Variants in AHNAK observed in about 807,000 individuals in gnomAD.
The protein encoded by AHNAK is AHNAK nucleoprotein.
Under a neutral mutation model 37.8 loss-of-function variants are expected in AHNAK, and 23 were observed. That is an observed-to-expected ratio of 0.61 (90% CI 0.44 to 0.86). The LOEUF is 0.86. Ranked by LOEUF, AHNAK falls within the 40% of genes least tolerant of loss-of-function variation. The probability of loss-of-function intolerance (pLI) is 0.00; values close to 1 mark genes in which losing one functional copy is unlikely to be tolerated. For synonymous variants in AHNAK, 2,481 were observed against 2,636.3 expected (o/e 0.94, Z 1.80); for missense variants, 7,411 against 7,319.4 (o/e 1.01, Z -0.46).
At chr11:62,511,551 C>T (rs868356906), downstream of AHNAK, among the ~76,000 whole-genome samples, 59 of 152,184 alleles carry the variant, frequency 3.9e-4, no homozygotes, top group African/African-American at 1.2e-3. Context: ...CCACCGCGTC[C>T]GGCCCAGCAG....
intron 4 of AHNAK, among the ~76,000 whole-genome samples, chr11:62,493,601 T>C (rs1939549253): frequency 6.6e-6 from 1 of 151,062 alleles, no homozygotes; most frequent in African/African-American, 2.5e-5. Flanking sequence ...CCCAAAGTGC[T>C]AGGATTACAG....
intron 5 of AHNAK, among the ~76,000 whole-genome samples, chr11:62,463,452 C>T (rs1181663861): frequency 6.8e-6 from 1 of 146,974 alleles, no homozygotes. Flanking sequence ...CGCTCCTCTC[C>T]TCCATCCTCC....
intron 5 of AHNAK, among the ~76,000 whole-genome samples, chr11:62,443,517 C>G (rs1361460648): frequency 6.6e-6 from 1 of 152,116 alleles, no homozygotes; most frequent in African/African-American, 2.4e-5. Context: ...GGTGATCTGC[C>G]TGCCTCGGCC....
chr11:62,543,796 G>A (rs569494627), intron 1 of AHNAK, among the ~76,000 whole-genome samples: 2 of 152,308 alleles, frequency 1.3e-5, no homozygotes, highest in African/African-American at 2.4e-5. Flanking sequence ...CACTGCCACC[G>A]CCCAAGCAGC....
rs760819156 is a variant in AHNAK, at chr11:62,527,871, G to A, written c.6546C>T (p.Pro2182=). The A allele has an allele frequency of 6.2e-7, 1 of 1,613,758 alleles. No homozygotes were observed. The highest frequency in any genetic ancestry group is 8.5e-7 in the Non-Finnish European group (1 of 1,179,928). The change falls in exon 5 of 5, where the codon CCC becomes CCT. Residue 2182 remains proline, a synonymous_variant. Transcript: ENST00000378024. Reference sequence around the variant, plus strand: ...AGTTCACATCAGGCATGGAGATCTTGGGGGTCTTGAAGTGCATCTCAGGCA... The same window carrying A: ...AGTTCACATCAGGCATGGAGATCTTAGGGGTCTTGAAGTGCATCTCAGGCA... ...FKMPEMHFKT[P]KISMPDVNLN...
chr11:62,454,951 T>C (rs1161440450), intron 5 of AHNAK, among the ~76,000 whole-genome samples: 2 of 146,606 alleles, frequency 1.4e-5, no homozygotes, highest in Non-Finnish European at 1.5e-5. Flanking sequence ...TTTTTTGAGA[T>C]GGAGTTTTGC....
chr11:62,479,218 G>A (rs2958537), intron 5 of AHNAK, among the ~76,000 whole-genome samples: 110,504 of 144,416 alleles, frequency 0.77, 48,096 homozygotes, highest in Non-Finnish European at 0.96. Context: ...CCCAGGTTGG[G>A]GTACAATGGC....
At chr11:62,444,999 C>G (rs1205152130) in intron 5 of AHNAK, among the ~76,000 whole-genome samples, 2 of 152,208 alleles carry the variant, frequency 1.3e-5, no homozygotes, top group African/African-American at 4.8e-5. Context: ...ACACAGGAGA[C>G]GTGCATGGAG....
At chr11:62,537,098 C>T (rs569491891) in intron 1 of AHNAK, among the ~76,000 whole-genome samples, 27 of 151,818 alleles carry the variant, frequency 1.8e-4, no homozygotes, top group African/African-American at 5.5e-4. Flanking sequence ...GGACTACAGG[C>T]GCCCGCCACC....
Position 62,531,335 on chromosome 11 carries a change from C to A in AHNAK, c.3082G>T (p.Asp1028Tyr). 1.2e-6 allele frequency: 2 copies of A among 1,613,822 alleles called. No individual in the cohort carries two copies. Among genetic ancestry groups the A allele is most frequent in the Non-Finnish European group, 1.7e-6 (2 of 1,179,960 alleles). The change falls in exon 5 of 5, where the codon GAC becomes TAC. Residue 1028 changes from aspartate to tyrosine, a missense_variant. Coordinates refer to ENST00000378024, the MANE Select transcript of AHNAK (RefSeq NM_001620.3). ...FDVNLSKANV[D>Y]ISAPKVDTNA... is the part of the protein sequence containing the mutation. ...GTATCTACTTTTGGTGCAGAAATGT[C>A]CACATTCGCTTTGGACAGGTTCACA... is the stretch of plus-strand genomic sequence containing the variant.
At chr11:62,445,905 A>G (rs940686614) in intron 5 of AHNAK, among the ~76,000 whole-genome samples, 4 of 150,282 alleles carry the variant, frequency 2.7e-5, no homozygotes, top group African/African-American at 9.9e-5. Context: ...AGTCCCAACT[A>G]CTCAGGAGGC....
chr11:62,470,538 GGA>G (rs1939014768), intron 5 of AHNAK, among the ~76,000 whole-genome samples: 1 of 152,108 alleles, frequency 6.6e-6, no homozygotes, highest in Non-Finnish European at 1.5e-5. Context: ...CCCGGGAGGC[GGA>G]GATTGCAGTG....
At chr11:62,513,038 A>C (rs560564690), downstream of AHNAK, among the ~76,000 whole-genome samples, 1 of 152,164 alleles carries the variant, frequency 6.6e-6, no homozygotes, top group African/African-American at 2.4e-5. Context: ...TGCCCCCTTA[A>C]CTACACCACT....
At chr11:62,478,646 A>G (rs924361560) in intron 5 of AHNAK, among the ~76,000 whole-genome samples, 9 of 151,090 alleles carry the variant, frequency 6.0e-5, no homozygotes, top group Non-Finnish European at 1.2e-4. Context: ...TACTCAGGAG[A>G]CTGAGGTGCG....
At position 62,516,739 on chromosome 11, in the gene AHNAK, G is replaced by C; in HGVS notation, c.*5C>G. 1.2e-6 allele frequency: 2 copies of C among 1,603,914 alleles called. No individual in the cohort carries two copies. Among genetic ancestry groups the C allele is most frequent in the South Asian group, 2.2e-5 (2 of 89,122 alleles). On this transcript the variant is annotated 3_prime_UTR_variant, in exon 5 of 5. Coordinates refer to ENST00000378024, the MANE Select transcript of AHNAK (RefSeq NM_001620.3). ...TATATATATGTACACACATACAAAG[G>C]CCTGCTACTCTTTCTTTGTGGAAAC...
At chr11:62,509,266 T>C (rs1939865693) in intron 4 of AHNAK, among the ~76,000 whole-genome samples, 1 of 151,998 alleles carries the variant, frequency 6.6e-6, no homozygotes, top group Admixed American at 6.6e-5. Flanking sequence ...GAGAAACTAT[T>C]ACAGATTAAA....
At chr11:62,536,145 G>A in intron 2 of AHNAK, 47 bp from the exon 3 acceptor site, 1 of 1,512,184 alleles carries the variant, frequency 6.6e-7, no homozygotes, top group East Asian at 2.4e-5. Flanking sequence ...GGGGTGGGAG[G>A]ACATGAGGGC....
intron 5 of AHNAK, among the ~76,000 whole-genome samples, chr11:62,464,239 G>A (rs557267573): frequency 4.6e-5 from 7 of 150,880 alleles, no homozygotes; most frequent in Admixed American, 2.6e-4. Context: ...GCGGGGCGGT[G>A]TAGAGACAGA....
At chr11:62,538,102 G>C (rs1941011010) in intron 1 of AHNAK, among the ~76,000 whole-genome samples, 1 of 152,126 alleles carries the variant, frequency 6.6e-6, no homozygotes, top group South Asian at 2.1e-4. Flanking sequence ...CAGAGACAGA[G>C]ACTTGGGCCA....
Sources: allele counts gnomAD v4.1 joint callset (sites outside exome capture counted in the v4.1 genomes callset), GRCh38; gene constraint gnomAD v4.1.1; transcripts MANE v1.5; gene names NCBI Gene and HGNC (gene_info 2026-07-23, HGNC 2026-07-21).